The following REPS2 variants were observed in gnomAD, a reference collection of about 807,000 sequenced individuals.
REPS2 encodes ralBP1-associated Eps domain-containing protein 2.
A neutral mutation model predicts 53.6 loss-of-function variants in REPS2; 23 were observed. That is an observed-to-expected ratio of 0.43 (90% CI 0.31 to 0.61). The LOEUF is 0.61. Among genes scored for constraint, REPS2 ranks in the 20% least tolerant of loss-of-function variants. REPS2 has a pLI of 0.11. For synonymous variants in REPS2, 238 were observed against 218.6 expected, an observed-to-expected ratio of 1.09 and a Z score of -0.78; for missense variants, 446 against 534.9, an observed-to-expected ratio of 0.83 and a Z score of 1.64.
At chrX:17,117,771 A>G (rs1368587874) in intron 14 of REPS2, among the ~76,000 whole-genome samples, 1 of 109,298 alleles carries the variant, frequency 9.1e-6, no homozygotes, top group African/African-American at 3.4e-5. Flanking sequence ...ATGATTTATA[A>G]TCCTCTGGGT....
chrX:17,007,144 C>G (rs1361705978), intron 2 of REPS2, among the ~76,000 whole-genome samples: 1 of 112,009 alleles, frequency 8.9e-6, no homozygotes, highest in African/African-American at 3.2e-5. Context: ...CTGCTCATGC[C>G]TGTCCTGTGA....
the REPS2 span, among the ~76,000 whole-genome samples, chrX:17,194,407 C>T: frequency 7.2e-5 from 8 of 111,632 alleles, 1 homozygote; most frequent in Admixed American, 7.6e-4. Context: ...AAAAAAGGGA[C>T]AATGATGCAT....
Position 17,117,888 on chromosome X carries a change from C to G in REPS2, c.1578+14109C>G, listed in dbSNP as rs1232330218. 2.8e-5 allele frequency among the ~76,000 whole-genome samples: 3 copies of G among 108,419 alleles called. No homozygotes were observed. The East Asian group carries it at 8.7e-4, about 31-fold the overall frequency. The allele number at this position is 108,419 out of a possible 115,157, so 94.1% of individuals were successfully genotyped here. A position where few individuals can be genotyped will look rare whatever the true frequency, so the allele number is the denominator to read the frequency against. On this transcript the variant is annotated intron_variant, in intron 14 of 17. Coordinates refer to ENST00000357277, the MANE Select transcript of REPS2 (RefSeq NM_004726.3). Reference sequence around the variant, plus strand: ...ATGGTTGAACTAGTTTACAGTCCCACCAACAGTGTAAAAGTGTTCCTATTT... The same window carrying G: ...ATGGTTGAACTAGTTTACAGTCCCAGCAACAGTGTAAAAGTGTTCCTATTT...
chrX:16,997,706 C>T (rs747037398), intron 1 of REPS2, among the ~76,000 whole-genome samples: 1 of 112,508 alleles, frequency 8.9e-6, no homozygotes, highest in South Asian at 3.7e-4. Context: ...TCTGTCAAGC[C>T]TATGTATGCC....
intron 17 of REPS2, among the ~76,000 whole-genome samples, chrX:17,140,813 C>T (rs1001239951): frequency 1.2e-4 from 13 of 106,890 alleles, no homozygotes; most frequent in Non-Finnish European, 2.3e-4. Context: ...CTCTGTCGCC[C>T]ACGCTGGAGT....
intron 1 of REPS2, among the ~76,000 whole-genome samples, chrX:16,955,429 C>G (rs1353832422): frequency 2.7e-5 from 3 of 111,738 alleles, no homozygotes; most frequent in African/African-American, 9.7e-5. Context: ...TTATTATCTC[C>G]CAGTTTCTGT....
rs181959634 is a variant in REPS2 at position 17,052,900 on chromosome X, C to T, written c.971+455C>T. On this transcript the variant is annotated intron_variant, in intron 7 of 17. Coordinates refer to ENST00000357277, the MANE Select transcript of REPS2 (RefSeq NM_004726.3). ...GGTTAGATTTGACTATTCTAGCTGC[C>T]TCTGAGCTTTGCAAATTTGGCTGGT... is the stretch of plus-strand genomic sequence containing the variant. 2.1e-3 allele frequency among the ~76,000 whole-genome samples: 237 copies of T among 111,828 alleles called. 1 individual carries two copies. Among genetic ancestry groups the T allele is most frequent in the African/African-American group, 6.9e-3 (212 of 30,802 alleles).
chrX:17,022,256 C>T lies in REPS2; in HGVS notation c.531C>T (p.Asp177=), dbSNP rs2061586828. The stretch of plus-strand genomic sequence containing the variant: ...AAAAAAATTCCTTCAAAAGAATGGA[C>T]GATGAGGATAAACAGGTAAACAGTT... ...TTEKNSFKRM[D]DEDKQQETQS... is the part of the protein sequence containing the mutation. The change falls in exon 3 of 18, where the codon GAC becomes GAT. Residue 177 remains aspartate, a synonymous_variant. Transcript: ENST00000357277. The T allele has an allele frequency of 5.0e-6, 6 of 1,209,215 alleles. No individual in the cohort carries two copies. The highest frequency in any genetic ancestry group is 1.8e-5 in the South Asian group (1 of 56,698).
chrX:17,053,908 G>T (rs181203273), intron 7 of REPS2, among the ~76,000 whole-genome samples: 90 of 111,893 alleles, frequency 8.0e-4, no homozygotes, highest in African/African-American at 2.6e-3. Flanking sequence ...CTAAAGGAAA[G>T]TTATGGAGCT....
At chrX:17,071,270 A>G (rs1408464782) in intron 11 of REPS2, among the ~76,000 whole-genome samples, 1 of 111,686 alleles carries the variant, frequency 9.0e-6, no homozygotes, top group East Asian at 2.8e-4. Context: ...AGTTTTTGTA[A>G]ACTTCATGTT....
intron 1 of REPS2, among the ~76,000 whole-genome samples, chrX:16,969,327 G>A (rs2060842651): frequency 8.9e-6 from 1 of 111,856 alleles, no homozygotes; most frequent in Non-Finnish European, 1.9e-5. Flanking sequence ...ACGGGGTGGC[G>A]GCCGGGCAGA....
At chrX:17,052,853 G>T (rs1195356594) in intron 7 of REPS2, among the ~76,000 whole-genome samples, 1 of 111,753 alleles carries the variant, frequency 8.9e-6, no homozygotes, top group African/African-American at 3.3e-5. Flanking sequence ...TGAACAGAAG[G>T]TTGAGGAATA....
intron 1 of REPS2, among the ~76,000 whole-genome samples, chrX:16,977,387 C>T (rs1468155013): frequency 1.8e-5 from 2 of 110,744 alleles, no homozygotes; most frequent in East Asian, 5.6e-4. Flanking sequence ...GCTTAGGCTA[C>T]CTTACTGTTA....
intron 5 of REPS2, among the ~76,000 whole-genome samples, chrX:17,041,399 C>CT (rs1243692228): frequency 9.0e-6 from 1 of 111,639 alleles, no homozygotes; most frequent in South Asian, 3.7e-4. Flanking sequence ...GCTTCTGTGA[C>CT]TTTTTTTTCT....
chrX:17,122,257 C>G (rs931144328), intron 14 of REPS2, among the ~76,000 whole-genome samples: 1 of 111,486 alleles, frequency 9.0e-6, no homozygotes, highest in Admixed American at 9.5e-5. Context: ...TGACTTCTAA[C>G]AGCATAAATT....
At chrX:17,088,551 A>G (rs1203007127) in intron 13 of REPS2, among the ~76,000 whole-genome samples, 1 of 109,722 alleles carries the variant, frequency 9.1e-6, no homozygotes, top group Non-Finnish European at 1.9e-5. Context: ...GATCCAGGCA[A>G]TATAATGGCT....
chrX:17,191,443 T>C, the REPS2 span, among the ~76,000 whole-genome samples: 1 of 112,540 alleles, frequency 8.9e-6, no homozygotes, highest in Non-Finnish European at 1.9e-5. Context: ...ATATCAAATG[T>C]TGACTAAGAT....
At chrX:17,039,680 C>G (rs1359509637) in intron 5 of REPS2, among the ~76,000 whole-genome samples, 1 of 112,055 alleles carries the variant, frequency 8.9e-6, no homozygotes, top group Non-Finnish European at 1.9e-5. Flanking sequence ...AACTATAGAG[C>G]TTGATGATCA....
At position 16,958,518 on chromosome X, in the gene REPS2, A is replaced by G. The variant is rs1263427448; in HGVS notation, c.273+11384A>G. ...GGACTAGCAGCAGGAAGCTATTGCC[A>G]TTCCTAGACCTGGTGGGGCAAAGGG... On this transcript the variant is annotated intron_variant, in intron 1 of 17. Coordinates refer to ENST00000357277, the MANE Select transcript of REPS2 (RefSeq NM_004726.3). 1.3e-4 allele frequency among the ~76,000 whole-genome samples: 14 copies of G among 111,972 alleles called. 1 individual carries two copies. The Admixed American group carries it at 1.3e-3, about 11-fold the overall frequency.
Sources: allele counts gnomAD v4.1 joint callset (sites outside exome capture counted in the v4.1 genomes callset), GRCh38; gene constraint gnomAD v4.1.1; transcripts MANE v1.5; gene names NCBI Gene and HGNC (gene_info 2026-07-23, HGNC 2026-07-21).